The following LGSN variants were observed in gnomAD, a reference collection of about 807,000 sequenced individuals.
LGSN encodes lengsin, lens protein with glutamine synthetase domain.
In LGSN, 21 loss-of-function variants were observed where a neutral mutation model predicts 19.5. The ratio of observed to expected loss-of-function variants is 1.07; its 90% CI spans 0.76 to 1.55. The LOEUF is 1.55. Ranked by LOEUF, LGSN falls within the 40% of genes most tolerant of loss-of-function variation. The pLI is 0.00. For missense variants in LGSN, 673 were observed against 608.5 expected (o/e 1.11, Z -1.12); for synonymous variants, 257 against 215.6 (o/e 1.19, Z -1.68).
At chr6:63,285,778 A>G in intron 2 of LGSN, 25 bp from the exon 3 acceptor site, 1 of 1,605,110 alleles carries the variant, frequency 6.2e-7, no homozygotes, top group Non-Finnish European at 8.5e-7. Flanking sequence ...AATAGGTTCT[A>G]ACTCACGAGA....
At chr6:63,350,836 A>G in the LGSN span, among the ~76,000 whole-genome samples, 1 of 151,538 alleles carries the variant, frequency 6.6e-6, no homozygotes, top group East Asian at 1.9e-4. Context: ...TGGGCCACAG[A>G]GCCATCTAAA....
the LGSN span, among the ~76,000 whole-genome samples, chr6:63,487,624 G>T: frequency 2.4e-4 from 37 of 152,276 alleles, no homozygotes; most frequent in African/African-American, 8.7e-4. Flanking sequence ...GTATAATAAT[G>T]AACACAGACG....
chr6:63,554,423 T>C, the LGSN span, among the ~76,000 whole-genome samples: 105 of 152,294 alleles, frequency 6.9e-4, no homozygotes, highest in African/African-American at 2.5e-3. Flanking sequence ...GGGCTTTACC[T>C]CCACTCCCAC....
chr6:63,296,059 C>A (rs941016198), intron 1 of LGSN, among the ~76,000 whole-genome samples: 1 of 152,102 alleles, frequency 6.6e-6, no homozygotes, highest in African/African-American at 2.4e-5. Flanking sequence ...TGCTGGGGAG[C>A]AGCTGTATCA....
chr6:63,463,464 T>C, the LGSN span, among the ~76,000 whole-genome samples: 1 of 152,206 alleles, frequency 6.6e-6, no homozygotes, highest in Admixed American at 6.5e-5. Flanking sequence ...AATATTCGTA[T>C]TTGAGAAGCA....
intron 1 of LGSN, among the ~76,000 whole-genome samples, chr6:63,309,104 G>A (rs1020154967): frequency 2.6e-5 from 4 of 152,124 alleles, no homozygotes; most frequent in East Asian, 1.9e-4. Flanking sequence ...TTAAATACAC[G>A]TGGCAATTCT....
At chr6:63,342,171 T>C in the LGSN span, among the ~76,000 whole-genome samples, 1 of 152,220 alleles carries the variant, frequency 6.6e-6, no homozygotes, top group African/African-American at 2.4e-5. Flanking sequence ...CTTTTGGTTG[T>C]AGTTCAGTCT....
the LGSN span, among the ~76,000 whole-genome samples, chr6:63,489,606 A>G: frequency 1.5e-4 from 23 of 151,958 alleles, no homozygotes; most frequent in Non-Finnish European, 2.9e-4. Context: ...CTGACCTCAA[A>G]TGATCCACAC....
At chr6:63,557,913 G>A in the LGSN span, among the ~76,000 whole-genome samples, 3 of 150,422 alleles carry the variant, frequency 2.0e-5, no homozygotes, top group African/African-American at 2.4e-5. Context: ...TTTTTGAGAC[G>A]GAGTCTTGCT....
the LGSN span, among the ~76,000 whole-genome samples, chr6:63,499,900 A>G: frequency 1.3e-5 from 2 of 151,246 alleles, no homozygotes; most frequent in Non-Finnish European, 2.9e-5. Context: ...TCAGAGACTC[A>G]TGCAACCATA....
chr6:63,496,907 T>C, the LGSN span, among the ~76,000 whole-genome samples: 1 of 152,116 alleles, frequency 6.6e-6, no homozygotes, highest in East Asian at 1.9e-4. Context: ...CTGTATAGGA[T>C]CCAAAGATAG....
chr6:63,556,564 T>G, the LGSN span, among the ~76,000 whole-genome samples: 2 of 152,212 alleles, frequency 1.3e-5, no homozygotes, highest in African/African-American at 2.4e-5. Flanking sequence ...GGTTTCTGTA[T>G]GCCTCATAAT....
At chr6:63,420,218 A>G in the LGSN span, among the ~76,000 whole-genome samples, 1 of 151,564 alleles carries the variant, frequency 6.6e-6, no homozygotes, top group Non-Finnish European at 1.5e-5. Context: ...AAAAAAAAAA[A>G]GTACTTTGTA....
At chr6:63,461,494 C>T in the LGSN span, among the ~76,000 whole-genome samples, 1 of 152,242 alleles carries the variant, frequency 6.6e-6, no homozygotes, top group Non-Finnish European at 1.5e-5. Flanking sequence ...AGCCCTTGCA[C>T]ATCAACATTG....
intron 2 of LGSN, among the ~76,000 whole-genome samples, chr6:63,290,359 A>G (rs937901568): frequency 1.6e-4 from 24 of 152,344 alleles, no homozygotes; most frequent in African/African-American, 5.1e-4. Flanking sequence ...GGCTTAAGAC[A>G]AAGAAATGGT....
the LGSN span, among the ~76,000 whole-genome samples, chr6:63,449,450 C>T: frequency 2.6e-5 from 4 of 151,156 alleles, no homozygotes; most frequent in Non-Finnish European, 4.4e-5. Context: ...GAGGCTGAGG[C>T]AGGAGAATCA....
the LGSN span, among the ~76,000 whole-genome samples, chr6:63,485,039 T>G: frequency 6.6e-6 from 1 of 150,500 alleles, no homozygotes; most frequent in Non-Finnish European, 1.5e-5. Flanking sequence ...TTTTAGTTGT[T>G]TTTTTTTTTA....
the LGSN span, among the ~76,000 whole-genome samples, chr6:63,522,219 T>C: frequency 6.6e-6 from 1 of 152,236 alleles, no homozygotes; most frequent in Non-Finnish European, 1.5e-5. Context: ...CAAAGTATTT[T>C]AAGGGCTACA....
chr6:63,316,553 G>A (rs2127397703), intron 1 of LGSN, among the ~76,000 whole-genome samples: 1 of 152,032 alleles, frequency 6.6e-6, no homozygotes, highest in African/African-American at 2.4e-5. Context: ...AATAAAGGAA[G>A]CAAAAAGTTT....
Sources: allele counts gnomAD v4.1 joint callset (sites outside exome capture counted in the v4.1 genomes callset), GRCh38; gene constraint gnomAD v4.1.1; transcripts MANE v1.5; gene names NCBI Gene and HGNC (gene_info 2026-07-23, HGNC 2026-07-21).